GOSR2: variants seen among roughly 807,000 people sequenced by gnomAD.
GOSR2 encodes 27 kDa Golgi SNARE protein.
A neutral mutation model predicts 27.9 loss-of-function variants in GOSR2; 20 were observed. The ratio of observed to expected loss-of-function variants is 0.72; its 90% confidence interval spans 0.50 to 1.04. The LOEUF (loss-of-function observed/expected upper bound fraction) is 1.04. GOSR2 is among the 50% of genes least tolerant of loss of function. The probability of loss-of-function intolerance (pLI) is 0.00; values close to 1 mark genes in which losing one functional copy is unlikely to be tolerated. For missense variants in GOSR2, 261 were observed against 270.5 expected (o/e 0.97, Z 0.25); for synonymous variants, 91 against 98.8 (o/e 0.92, Z 0.47).
intron 3 of GOSR2, chr17:46,931,463 G>A: frequency 3.7e-6 from 2 of 533,478 alleles, no homozygotes; most frequent in Non-Finnish European, 3.3e-6. Context: ...TTTGCCTCCA[G>A]TTCTGTTTTT....
downstream of GOSR2, among the ~76,000 whole-genome samples, chr17:46,970,563 C>CA (rs1210697065): frequency 7.5e-6 from 1 of 132,950 alleles, no homozygotes; most frequent in Non-Finnish European, 1.6e-5. Context: ...AAAAAAAACT[C>CA]AAGACAGCAG....
chr17:46,929,000 C>G (rs893149541), intron 1 of GOSR2, among the ~76,000 whole-genome samples: 4 of 152,028 alleles, frequency 2.6e-5, no homozygotes, highest in African/African-American at 9.7e-5. Context: ...TTGCTTTTCT[C>G]GTGAATCTTC....
At chr17:46,934,923 G>A in intron 4 of GOSR2, 106 bp from the exon 5 acceptor site, 1 of 978,354 alleles carries the variant, frequency 1.0e-6, no homozygotes, top group East Asian at 2.4e-5. Flanking sequence ...TCTTTCACCA[G>A]CCCCTCCGGC....
chr17:46,948,359 GTCTGA>G (rs961456768), intron 6 of GOSR2, among the ~76,000 whole-genome samples: 1 of 152,194 alleles, frequency 6.6e-6, no homozygotes, highest in Non-Finnish European at 1.5e-5. Context: ...TAGGACCCAG[GTCTGA>G]TCCCTTCATT....
At chr17:46,937,681 A>G (rs2088624278) in intron 5 of GOSR2, 1 of 152,178 alleles carries the variant, frequency 6.6e-6, no homozygotes, top group Admixed American at 6.5e-5. Context: ...AAAGGTATTC[A>G]TGCTACTCTT....
Position 46,941,453 on chromosome 17 carries a change from C to T in GOSR2, c.*2693C>T, listed in dbSNP as rs1599080953. 1 of 983,272 alleles carries T rather than the reference C, an allele frequency of 1.0e-6. No homozygotes were observed. The highest frequency in any genetic ancestry group is 1.2e-6 in the Non-Finnish European group (1 of 827,978). 60.9% of individuals were successfully genotyped at this position (983,272 alleles called of 1,614,324 possible). A position where few individuals can be genotyped will look rare whatever the true frequency, so the allele number is the denominator to read the frequency against. ...CTAGGCCAGAGATTCTCAAACACTG[C>T]TCCATGGCCAGGGGCTGGGCTGGCT... On this transcript the variant is annotated 3_prime_UTR_variant, in exon 6 of 6. Transcript: ENST00000640051.
At chr17:46,936,134 G>C (rs937946382) in intron 5 of GOSR2, 9 of 985,828 alleles carry the variant, frequency 9.1e-6, no homozygotes, top group Non-Finnish European at 1.1e-5. Flanking sequence ...GGCCTGGAAG[G>C]GTGGTCTCCA....
At chr17:46,945,077 A>T (rs1477260458), downstream of GOSR2, among the ~76,000 whole-genome samples, 2 of 152,162 alleles carry the variant, frequency 1.3e-5, no homozygotes, top group Non-Finnish European at 2.9e-5. Flanking sequence ...TGGGGGCATT[A>T]ACCAGGAAGA....
At chr17:46,953,681 C>T (rs2090526830) in intron 6 of GOSR2, among the ~76,000 whole-genome samples, 1 of 152,168 alleles carries the variant, frequency 6.6e-6, no homozygotes, top group African/African-American at 2.4e-5. Flanking sequence ...AAAAGTGTTC[C>T]TATTTCTCTC....
In GOSR2 at chr17:46,932,766, T is replaced by C. The variant is rs554103184; in HGVS notation, c.336+567T>C. 3.3e-5 allele frequency: 6 copies of C among 181,798 alleles called. No homozygotes were observed. The South Asian group carries it at 7.0e-4, about 21-fold the overall frequency. 11.3% of individuals were successfully genotyped at this position (181,798 alleles called of 1,614,324 possible). On this transcript the variant is annotated intron_variant, in intron 4 of 5. Transcript: ENST00000640051. ...TTGATTTTTCAGAACCCATTGTCCC[T>C]GCCCTTTAGTCTTAACCAGATCATT...
Position 46,931,109 on chromosome 17 carries a change from C to T in GOSR2, c.105C>T (p.Asn35=), listed in dbSNP as rs780832143. Residue 35 remains asparagine, a synonymous_variant, in exon 3 of 6, where the codon AAC becomes AAT. Transcript: ENST00000640051. The part of the protein sequence containing the change: ...ADKQSVHIVE[N]EIQASIDQIF... Reference sequence around the variant, plus strand: ...TTCTTTTTTGTACAGTAGTAGAAAACGAAATCCAAGCAAGCATAGACCAGA... The same window carrying T: ...TTCTTTTTTGTACAGTAGTAGAAAATGAAATCCAAGCAAGCATAGACCAGA... 20 of 1,583,926 alleles carry T rather than the reference C, an allele frequency of 1.3e-5. No homozygotes were observed. The African/African-American group carries it at 1.3e-4, about 11-fold the overall frequency.
Position 46,923,181 on chromosome 17 carries a change from G to T in GOSR2, c.-12G>T, listed in dbSNP as rs183199. 4.3e-5 allele frequency: 66 copies of T among 1,536,096 alleles called. No homozygotes were observed. In the African/African-American group the frequency reaches 7.0e-4, roughly 16 times the overall value. ...AGCCAGAGCCGGAGCCGTGGCCTGC[G>T]GGGCCGGCGACATGGATCCCCTGTT... is the stretch of plus-strand genomic sequence containing the variant. On this transcript the variant is annotated 5_prime_UTR_variant, in exon 1 of 6. Transcript: ENST00000640051.
At position 46,940,564 on chromosome 17, in the gene GOSR2, G is replaced by T; in HGVS notation, c.*1804G>T. 1 of 1,614,174 alleles carries T rather than the reference G, an allele frequency of 6.2e-7. No individual in the cohort carries two copies. Among genetic ancestry groups the T allele is most frequent in the Non-Finnish European group, 8.5e-7 (1 of 1,180,034 alleles). On this transcript the variant is annotated 3_prime_UTR_variant, in exon 6 of 6. Transcript: ENST00000640051. ...CTGTCCTGTCCCCCAGGCACCCAAG[G>T]ATCCTGCCAGACAGCACACTTTGGA...
chr17:46,941,981 CTTG>C lies in GOSR2; in HGVS notation c.*3224_*3226del, dbSNP rs1263778332. Reference sequence around the variant, plus strand: ...GATCACATTGGTGTAAAGAGCAAAACTTGTTAAGTCCAAAATAAATTCTTACTG... The same window carrying C: ...GATCACATTGGTGTAAAGAGCAAAACTTAAGTCCAAAATAAATTCTTACTG... On this transcript the variant is annotated 3_prime_UTR_variant, in exon 6 of 6. Transcript: ENST00000640051. The C allele has an allele frequency of 5.1e-6, 5 of 982,900 alleles. No individual in the cohort carries two copies. The highest frequency in any genetic ancestry group is 1.1e-4 in the East Asian group (1 of 8,796). 60.9% of individuals were successfully genotyped at this position (982,900 alleles called of 1,614,324 possible).
At chr17:46,966,117 C>T (rs1385573643) in intron 6 of GOSR2, among the ~76,000 whole-genome samples, 1 of 152,168 alleles carries the variant, frequency 6.6e-6, no homozygotes, top group Non-Finnish European at 1.5e-5. Flanking sequence ...TCTTCATCAT[C>T]GTCACCAGTA....
chr17:46,944,334 C>T (rs1159491859), downstream of GOSR2, among the ~76,000 whole-genome samples: 1 of 152,226 alleles, frequency 6.6e-6, no homozygotes, highest in Non-Finnish European at 1.5e-5. Context: ...CAAGTCCCAG[C>T]CCTGCTGGCA....
At chr17:46,924,697 C>T (rs1272481693) in intron 1 of GOSR2, among the ~76,000 whole-genome samples, 2 of 152,126 alleles carry the variant, frequency 1.3e-5, no homozygotes, top group Non-Finnish European at 2.9e-5. Flanking sequence ...TTTGTAATGA[C>T]AGAATTTTCT....
chr17:46,959,572 T>C (rs907587318), intron 6 of GOSR2, among the ~76,000 whole-genome samples: 10 of 152,218 alleles, frequency 6.6e-5, no homozygotes, highest in Non-Finnish European at 1.5e-4. Context: ...CAAGAGCTTA[T>C]TACTATTATA....
At chr17:46,975,183 C>T (rs547499430) in intron 6 of GOSR2, 4 of 152,176 alleles carry the variant, frequency 2.6e-5, no homozygotes, top group South Asian at 4.2e-4. Flanking sequence ...GGTCCCCTAT[C>T]GCTCCTATTT....
Sources: gnomAD v4.1 joint callset for allele counts (sites outside exome capture counted in the v4.1 genomes callset) on GRCh38, gnomAD v4.1.1 for gene constraint, MANE v1.5 for transcripts, NCBI Gene and HGNC (gene_info 2026-07-23, HGNC 2026-07-21) for gene names.